TTC23L: variants seen among roughly 807,000 people sequenced by gnomAD.
TTC23L encodes the protein tetratricopeptide repeat domain 23 like.
In TTC23L, 42 loss-of-function variants were observed where a neutral mutation model predicts 48.1. The ratio of observed to expected loss-of-function variants is 0.87; its 90% CI spans 0.68 to 1.13. The LOEUF is 1.13. TTC23L is among the 50% of genes most tolerant of loss of function. The pLI is 0.00. For missense variants in TTC23L, 391 were observed against 421.0 expected (o/e 0.93, Z 0.62); for synonymous variants, 159 against 157.2 (o/e 1.01, Z -0.09).
At chr5:34,854,838 G>A (rs1436940217) in intron 4 of TTC23L, among the ~76,000 whole-genome samples, 6 of 152,230 alleles carry the variant, frequency 3.9e-5, no homozygotes, top group Admixed American at 2.6e-4. Flanking sequence ...ACAACTTAGT[G>A]TGGAAGGTGA....
intron 3 of TTC23L, among the ~76,000 whole-genome samples, chr5:34,846,576 A>ATAT (rs1554017309): frequency 1.6e-4 from 16 of 98,332 alleles, no homozygotes; most frequent in East Asian, 2.2e-4. Context: ...AAAAAAAAAA[A>ATAT]ATATATATAT....
chr5:34,866,891 G>C lies in TTC23L; in HGVS notation c.663-1G>C, dbSNP rs775634767. Reference sequence around the variant, plus strand: ...TTCTATTTTCATCCCTTTTCTTGCAGAGCCTCCTTGGCCATCCACAGACTG... The same window carrying C: ...TTCTATTTTCATCCCTTTTCTTGCACAGCCTCCTTGGCCATCCACAGACTG... On this transcript the variant is annotated splice_acceptor_variant, in intron 6 of 10. Transcript: ENST00000505624. LOFTEE classifies it high-confidence loss of function. The C allele has an allele frequency of 4.4e-6, 7 of 1,582,902 alleles. No homozygotes were observed. The Admixed American group carries it at 1.2e-4, about 28-fold the overall frequency.
At chr5:34,886,435 C>T (rs540122817) in intron 9 of TTC23L, among the ~76,000 whole-genome samples, 1 of 151,264 alleles carries the variant, frequency 6.6e-6, no homozygotes, top group Admixed American at 6.6e-5. Flanking sequence ...ATTAAAGTCC[C>T]AGGTATTCAG....
chr5:34,864,598 G>A (rs757847968), intron 6 of TTC23L, 36 bp downstream of exon 6: 1 of 1,592,984 alleles, frequency 6.3e-7, no homozygotes, highest in East Asian at 2.2e-5. Context: ...AGGCTTTTAT[G>A]AATGAGGCTT....
intron 9 of TTC23L, among the ~76,000 whole-genome samples, chr5:34,885,554 G>T (rs1561153890): frequency 6.6e-6 from 1 of 152,012 alleles, no homozygotes. Context: ...TGACCAACCT[G>T]GGAAACATAG....
At chr5:34,845,970 G>C (rs903273310) in intron 3 of TTC23L, among the ~76,000 whole-genome samples, 2 of 152,102 alleles carry the variant, frequency 1.3e-5, no homozygotes, top group African/African-American at 4.8e-5. Context: ...ACCGAGGCGG[G>C]AGGATCTCTT....
chr5:34,858,260 A>G (rs575665567), intron 4 of TTC23L, among the ~76,000 whole-genome samples: 1 of 152,312 alleles, frequency 6.6e-6, no homozygotes, highest in Admixed American at 6.5e-5. Flanking sequence ...TCTATGAAGC[A>G]TCCTTCATAG....
intron 10 of TTC23L, among the ~76,000 whole-genome samples, chr5:34,897,208 A>C (rs918802274): frequency 2.6e-5 from 4 of 151,862 alleles, no homozygotes; most frequent in Non-Finnish European, 5.9e-5. Flanking sequence ...AACACAGTGA[A>C]ACCCAGTCTC....
chr5:34,911,955 A>G, the TTC23L span: 1 of 982,624 alleles, frequency 1.0e-6, no homozygotes, highest in Middle Eastern at 2.2e-4. Context: ...AAAAGGGATG[A>G]CATCTTCCCT....
At chr5:34,918,428 G>A in the TTC23L span, 1 of 1,610,470 alleles carries the variant, frequency 6.2e-7, no homozygotes, top group Admixed American at 1.7e-5. Context: ...TTTAGAACAA[G>A]ACATTTAATG....
At chr5:34,871,071 CT>C (rs1392658829) in intron 8 of TTC23L, among the ~76,000 whole-genome samples, 1 of 152,144 alleles carries the variant, frequency 6.6e-6, no homozygotes, top group African/African-American at 2.4e-5. Context: ...CTCACTGCTC[CT>C]ATTCAGCAGA....
intron 2 of TTC23L, among the ~76,000 whole-genome samples, chr5:34,841,674 T>C (rs1260067871): frequency 6.6e-6 from 1 of 152,150 alleles, no homozygotes; most frequent in African/African-American, 2.4e-5. Flanking sequence ...CACACCACCA[T>C]ACCTGCCTAA....
At chr5:34,910,363 T>C in the TTC23L span, among the ~76,000 whole-genome samples, 6 of 152,178 alleles carry the variant, frequency 3.9e-5, no homozygotes, top group Non-Finnish European at 7.4e-5. Flanking sequence ...TTGGTTAACT[T>C]TCTCAGACCT....
chr5:34,893,829 A>G (rs1561159894), intron 9 of TTC23L, among the ~76,000 whole-genome samples: 2 of 152,208 alleles, frequency 1.3e-5, no homozygotes, highest in South Asian at 2.1e-4. Flanking sequence ...CAAAGTTTCA[A>G]TGAAAGAGAG....
rs180701095 is a variant in TTC23L, at chr5:34,875,637, G to A, written c.950-4544G>A. Among the ~76,000 whole-genome samples the A allele has an allele frequency of 1.5e-3, 232 of 152,106 alleles. 2 individuals carry two copies. In the East Asian group the frequency reaches 0.015, roughly 10 times the overall value. ...GTTAATCTCCTTTGGCAACACCCTCGCAGACACACCCAGGATCAATACTTT... is the reference window on the plus strand; with the variant it reads ...GTTAATCTCCTTTGGCAACACCCTCACAGACACACCCAGGATCAATACTTT... On this transcript the variant is annotated intron_variant, in intron 8 of 10. Coordinates refer to ENST00000505624, the Ensembl canonical transcript of TTC23L.
At chr5:34,839,816 G>A (rs946529912) in intron 1 of TTC23L, among the ~76,000 whole-genome samples, 26 of 152,198 alleles carry the variant, frequency 1.7e-4, no homozygotes, top group Non-Finnish European at 3.7e-4. Context: ...CACAAATACT[G>A]TATTTAGAAA....
intron 4 of TTC23L, 114 bp downstream of exon 4, chr5:34,850,422 A>T: frequency 1.5e-6 from 2 of 1,301,380 alleles, no homozygotes; most frequent in South Asian, 1.4e-5. Context: ...CCCCTAGCTC[A>T]CACATTATCA....
the TTC23L span, chr5:34,906,296 A>G: frequency 6.6e-6 from 1 of 152,098 alleles, no homozygotes; most frequent in African/African-American, 2.4e-5. Flanking sequence ...ATCCATCCTT[A>G]CTGAGCTGAT....
Position 34,863,181 on chromosome 5 carries a change from C to A in TTC23L, c.536+127C>A. 9.3e-7 allele frequency: 1 copy of A among 1,076,164 alleles called. No homozygotes were observed. The highest frequency in any genetic ancestry group is 1.6e-5 in the South Asian group (1 of 63,602). The allele number at this position is 1,076,164 out of a possible 1,614,324, so 66.7% of individuals were successfully genotyped here. A position where few individuals can be genotyped will look rare whatever the true frequency, so the allele number is the denominator to read the frequency against. On this transcript the variant is annotated intron_variant, in intron 5 of 10. Coordinates refer to ENST00000505624, the Ensembl canonical transcript of TTC23L. The surrounding 1 kb of genome is among the most constrained non-coding windows in gnomAD (Gnocchi z 4.1). The stretch of plus-strand genomic sequence containing the variant: ...TGTAGATCTGTTCCAACATCAAGGC[C>A]CTCCATGAGCCTCTCCTCTCCATCT...
Sources: gnomAD v4.1 joint callset for allele counts (sites outside exome capture counted in the v4.1 genomes callset) on GRCh38, gnomAD v4.1.1 for gene constraint, Gnocchi (gnomAD v3.1) non-coding constraint, MANE v1.5 for transcripts, NCBI Gene and HGNC (gene_info 2026-07-23, HGNC 2026-07-21) for gene names.